FRMD8: variants seen among roughly 807,000 people sequenced by gnomAD.
The protein encoded by FRMD8 is FERM domain containing 8, also known as FERM domain-containing protein 8.
FRMD8 carries 37 observed loss-of-function variants against 54.2 expected under a neutral mutation model. The observed-to-expected ratio is 0.68, with a 90% confidence interval of 0.53 to 0.90. The LOEUF is 0.90. Among genes scored for constraint, FRMD8 ranks in the 40% least tolerant of loss-of-function variants. The pLI is 0.00. For synonymous variants in FRMD8, 246 were observed against 286.9 expected (o/e 0.86, Z 1.44); for missense variants, 585 against 653.7 (o/e 0.89, Z 1.15).
upstream of FRMD8, among the ~76,000 whole-genome samples, chr11:65,385,422 G>T (rs1430345490): frequency 3.3e-5 from 5 of 152,206 alleles, no homozygotes. Flanking sequence ...TGGGTCAGGA[G>T]CTAGAGCTGC....
intron 10 of FRMD8, among the ~76,000 whole-genome samples, chr11:65,406,698 G>C (rs565300345): frequency 3.3e-5 from 5 of 152,004 alleles, no homozygotes; most frequent in African/African-American, 1.2e-4. Flanking sequence ...CTAGCACATT[G>C]GGAGACCAAG....
chr11:65,401,561 C>A (rs1201172030), intron 9 of FRMD8, among the ~76,000 whole-genome samples: 2 of 150,972 alleles, frequency 1.3e-5, no homozygotes, highest in Non-Finnish European at 2.9e-5. Context: ...CCCTTGGCAG[C>A]CAGACCCCAC....
At chr11:65,371,441 C>G in the FRMD8 span, among the ~76,000 whole-genome samples, 2 of 152,218 alleles carry the variant, frequency 1.3e-5, no homozygotes, top group African/African-American at 4.8e-5. Context: ...AAGTGACTGA[C>G]AGACACCACC....
chr11:65,373,693 C>T, the FRMD8 span, among the ~76,000 whole-genome samples: 1 of 152,104 alleles, frequency 6.6e-6, no homozygotes, highest in Non-Finnish European at 1.5e-5. Context: ...TTCAAACAGT[C>T]CTCCCACCTC....
chr11:65,404,975 C>G lies in FRMD8; in HGVS notation c.1183C>G (p.Leu395Val). ...TGSPSDPSSS[L>V]APVQRPKLRR... ...CTCGCCCTCGGACCCCAGCTCCTCA[C>G]TGGCTCCTGTTCAGCGCCCCAAGCT... is the stretch of plus-strand genomic sequence containing the variant. The change falls in exon 10 of 11, where the codon CTG becomes GTG. Residue 395 changes from leucine (L) to valine (V), a missense_variant. By Grantham distance (32) the Leu-to-Val change is conservative. Transcript: ENST00000317568. This position sits in a 1 kb window ranked among gnomAD's most constrained non-coding sequence, Gnocchi z 4.7. 1 of 1,613,270 alleles carries G rather than the reference C, an allele frequency of 6.2e-7. No individual in the cohort carries two copies. Among genetic ancestry groups the G allele is most frequent in the South Asian group, 1.1e-5 (1 of 91,092 alleles).
At chr11:65,394,493 A>G in intron 6 of FRMD8, 68 bp downstream of exon 6, 9 of 1,513,184 alleles carry the variant, frequency 5.9e-6, no homozygotes, top group Non-Finnish European at 7.1e-6. Flanking sequence ...TGGAACTTAC[A>G]AGCAGTCTTC....
chr11:65,380,039 GA>G, the FRMD8 span: 2 of 1,586,538 alleles, frequency 1.3e-6, no homozygotes, highest in African/African-American at 2.7e-5. Context: ...GGAGAGGCAG[GA>G]AAGGCAAGAT....
the FRMD8 span, chr11:65,379,595 C>A: frequency 6.4e-7 from 1 of 1,572,888 alleles, no homozygotes. Flanking sequence ...GGAGTAGGCA[C>A]CGTGGGGCCT....
chr11:65,380,682 T>A, the FRMD8 span: 3 of 1,083,386 alleles, frequency 2.8e-6, no homozygotes, highest in Non-Finnish European at 3.7e-6. Context: ...TCCCCTCCCC[T>A]CCACCTGCCC....
In FRMD8 at chr11:65,413,142, C is replaced by T. The variant is rs147500819; in HGVS notation, c.*1782C>T. ...TAGCTGGGATTACAGGTGCATGCCA[C>T]CAGGCCCCGCTGATTTTTGTATTTT... is the stretch of plus-strand genomic sequence containing the variant. On this transcript the variant is annotated 3_prime_UTR_variant, in exon 11 of 11. Transcript: ENST00000317568. 3.2e-3 allele frequency: 482 copies of T among 152,410 alleles called. 4 individuals carry two copies. The highest frequency in any genetic ancestry group is 5.4e-3 in the Non-Finnish European group (368 of 68,110). 9.4% of individuals were successfully genotyped at this position (152,410 alleles called of 1,614,324 possible).
chr11:65,376,830 C>CT, the FRMD8 span: 3 of 1,614,224 alleles, frequency 1.9e-6, no homozygotes, highest in Non-Finnish European at 2.5e-6. Flanking sequence ...GGATTCTGGC[C>CT]TTCTGGTGTG....
chr11:65,403,153 C>T (rs1213901782), intron 9 of FRMD8, among the ~76,000 whole-genome samples: 2 of 152,172 alleles, frequency 1.3e-5, no homozygotes, highest in Non-Finnish European at 2.9e-5. Context: ...GCTGGGATTA[C>T]AGGCATGAGC....
In FRMD8 at chr11:65,396,843, G is replaced by A. The variant is rs1156488720; in HGVS notation, c.626G>A (p.Gly209Asp). Reference protein sequence around the residue: ...SFLPAHLCKRGQSLFAALRGR... With the variant: ...SFLPAHLCKRDQSLFAALRGR... Reference sequence around the variant, plus strand: ...CTCCCTGCCCACCTCTGTAAGCGGGGCCAGAGTCTCTTTGCTGCCCTCCGG... The same window carrying A: ...CTCCCTGCCCACCTCTGTAAGCGGGACCAGAGTCTCTTTGCTGCCCTCCGG... Residue 209 changes from glycine (G) to aspartate (D), a missense_variant, in exon 7 of 11, where the codon GGC (glycine) becomes GAC (aspartate). Transcript: ENST00000317568. The A allele has an allele frequency of 1.9e-6, 3 of 1,564,238 alleles. No homozygotes were observed. Among genetic ancestry groups the A allele is most frequent in the Non-Finnish European group, 2.6e-6 (3 of 1,155,542 alleles).
rs375470357 is a variant in FRMD8 at position 65,409,253 on chromosome 11, A to C, written c.1277-1989A>C. Among the ~76,000 whole-genome samples, 3 of 151,988 alleles carry C rather than the reference A, an allele frequency of 2.0e-5. No individual in the cohort carries two copies. The East Asian group carries it at 5.8e-4, about 30-fold the overall frequency. On this transcript the variant is annotated intron_variant, in intron 10 of 10. Transcript: ENST00000317568. ...AGGCGCCCACCACCATGCCCGATCAATTTTTGTATCTTTAGTAGAGACAGG... is the reference window on the plus strand; with the variant it reads ...AGGCGCCCACCACCATGCCCGATCACTTTTTGTATCTTTAGTAGAGACAGG...
the FRMD8 span, chr11:65,377,197 C>T: frequency 6.9e-7 from 1 of 1,453,074 alleles, no homozygotes. Flanking sequence ...AGGAACCCTG[C>T]CGGCACCCAG....
the FRMD8 span, chr11:65,378,741 C>G: frequency 6.6e-6 from 1 of 152,410 alleles, no homozygotes; most frequent in Admixed American, 6.5e-5. Context: ...GGGTGCCGGG[C>G]GCACCCTCTC....
At chr11:65,389,202 C>G (rs1855790480) in intron 2 of FRMD8, among the ~76,000 whole-genome samples, 159 bp from the exon 3 acceptor site, 1 of 152,158 alleles carries the variant, frequency 6.6e-6, no homozygotes, top group South Asian at 2.1e-4. Flanking sequence ...GGGGCTCTGC[C>G]TCTGGCGAGG....
chr11:65,404,861 C>T lies in FRMD8; in HGVS notation c.1072-3C>T, dbSNP rs1289320756. 2 of 1,609,570 alleles carry T rather than the reference C, an allele frequency of 1.2e-6. No individual in the cohort carries two copies. Among genetic ancestry groups the T allele is most frequent in the Non-Finnish European group, 1.7e-6 (2 of 1,177,324 alleles). ...AGGCCTCACACTGCCCCCTCCTCCC[C>T]AGGCCGAACTGATGAGCAGTCTCAT... On this transcript the variant is annotated splice_polypyrimidine_tract_variant and splice_region_variant and intron_variant, in intron 9 of 10. Coordinates refer to ENST00000317568, the MANE Select transcript of FRMD8 (RefSeq NM_031904.5). This position sits in a 1 kb window ranked among gnomAD's most constrained non-coding sequence, Gnocchi z 4.7.
At chr11:65,372,101 G>A in the FRMD8 span, among the ~76,000 whole-genome samples, 4 of 151,354 alleles carry the variant, frequency 2.6e-5, no homozygotes, top group African/African-American at 7.3e-5. Context: ...TAGTAGAGAT[G>A]GGGTTTCACC....
Sources: gnomAD v4.1 joint callset for allele counts (sites outside exome capture counted in the v4.1 genomes callset) on GRCh38, gnomAD v4.1.1 for gene constraint, Gnocchi (gnomAD v3.1) non-coding constraint, MANE v1.5 for transcripts, NCBI Gene and HGNC (gene_info 2026-07-23, HGNC 2026-07-21) for gene names.